IL1RAPL2: variants seen among roughly 807,000 people sequenced by gnomAD.
IL1RAPL2 encodes the protein X-linked interleukin-1 receptor accessory protein-like 2.
In IL1RAPL2, 3 loss-of-function variants were observed where a neutral mutation model predicts 44.1. The ratio of observed to expected loss-of-function variants is 0.07; its 90% CI spans 0.03 to 0.18. IL1RAPL2 has a LOEUF of 0.18. IL1RAPL2 is among the 10% of genes least tolerant of loss of function. IL1RAPL2 has a pLI of 1.00. For synonymous variants in IL1RAPL2, 181 were observed against 178.8 expected (o/e 1.01, Z -0.10); for missense variants, 391 against 496.4 (o/e 0.79, Z 2.02).
At chrX:105,766,755 T>TGTAA (rs1452645499) in intron 10 of IL1RAPL2, among the ~76,000 whole-genome samples, 9 of 108,407 alleles carry the variant, frequency 8.3e-5, no homozygotes, top group African/African-American at 3.0e-4. Flanking sequence ...AACAAAACAC[T>TGTAA]GTAAGTAATG....
chrX:104,948,730 G>T (rs1486504259), intron 2 of IL1RAPL2, among the ~76,000 whole-genome samples: 1 of 110,413 alleles, frequency 9.1e-6, no homozygotes, highest in Non-Finnish European at 1.9e-5. Flanking sequence ...TTATTGATTT[G>T]TGTATGTTGA....
intron 2 of IL1RAPL2, among the ~76,000 whole-genome samples, chrX:104,954,503 CT>C (rs1440243994): frequency 8.9e-6 from 1 of 112,115 alleles, no homozygotes; most frequent in Non-Finnish European, 1.9e-5. Flanking sequence ...AGATTTCCCT[CT>C]TTTCTTTTAT....
At chrX:104,723,627 C>A (rs753997050) in intron 2 of IL1RAPL2, among the ~76,000 whole-genome samples, 45 of 109,990 alleles carry the variant, frequency 4.1e-4, no homozygotes, top group Non-Finnish European at 7.4e-4. Context: ...TGAACAACAA[C>A]AAAAAAATCC....
intron 5 of IL1RAPL2, among the ~76,000 whole-genome samples, chrX:105,275,179 C>T (rs1456173577): frequency 9.1e-6 from 1 of 109,529 alleles, no homozygotes; most frequent in African/African-American, 3.3e-5. Flanking sequence ...CCACTGCACT[C>T]TAGCCTGGGT....
intron 6 of IL1RAPL2, among the ~76,000 whole-genome samples, chrX:105,561,406 A>G (rs2036936323): frequency 8.9e-6 from 1 of 111,756 alleles, no homozygotes; most frequent in African/African-American, 3.3e-5. Context: ...CAGAAATCTT[A>G]TTTGATCTAT....
intron 6 of IL1RAPL2, 125 bp downstream of exon 6, chrX:105,484,512 C>A: frequency 3.9e-6 from 2 of 506,944 alleles, no homozygotes; most frequent in Non-Finnish European, 7.2e-6. Flanking sequence ...GTGTTCTGCT[C>A]ATTTATAACC....
chrX:105,112,502 TTATGC>T (rs2032811490), intron 2 of IL1RAPL2, among the ~76,000 whole-genome samples: 2 of 112,564 alleles, frequency 1.8e-5, no homozygotes, highest in Non-Finnish European at 3.7e-5. Flanking sequence ...GGTACTGGAC[TTATGC>T]TATGCACGAA....
chrX:105,227,335 T>C (rs1250989164), intron 3 of IL1RAPL2, among the ~76,000 whole-genome samples: 2 of 112,174 alleles, frequency 1.8e-5, no homozygotes, highest in Non-Finnish European at 3.8e-5. Context: ...ACCTATTATA[T>C]TGACATATTT....
chrX:104,947,158 G>A (rs1238210278), intron 2 of IL1RAPL2, among the ~76,000 whole-genome samples: 1 of 112,121 alleles, frequency 8.9e-6, no homozygotes, highest in African/African-American at 3.2e-5. Flanking sequence ...GTATTTCTCT[G>A]ATGGCCAGTG....
At chrX:105,108,945 T>C (rs143214500) in intron 2 of IL1RAPL2, among the ~76,000 whole-genome samples, 5,472 of 111,801 alleles carry the variant, frequency 0.049, 147 homozygotes, top group Non-Finnish European at 0.076. Context: ...TCCATATCTC[T>C]GACCTCATCT....
chrX:104,887,116 G>C (rs954757193), intron 2 of IL1RAPL2, among the ~76,000 whole-genome samples: 2 of 112,332 alleles, frequency 1.8e-5, no homozygotes, highest in African/African-American at 6.5e-5. Flanking sequence ...TAAAACAGTT[G>C]TGGGGGTTCC....
At chrX:104,885,255 G>A (rs1923199247) in intron 2 of IL1RAPL2, among the ~76,000 whole-genome samples, 1 of 111,781 alleles carries the variant, frequency 8.9e-6, no homozygotes, top group Non-Finnish European at 1.9e-5. Context: ...ATTCCCTACT[G>A]GTCAGCAAGC....
At chrX:104,568,132 G>T (rs1336926699) in intron 1 of IL1RAPL2, among the ~76,000 whole-genome samples, 1 of 110,934 alleles carries the variant, frequency 9.0e-6, no homozygotes, top group Non-Finnish European at 1.9e-5. Flanking sequence ...TCTTGTCCCC[G>T]AATGAGGAAG....
intron 6 of IL1RAPL2, among the ~76,000 whole-genome samples, chrX:105,529,654 T>G (rs1402224352): frequency 8.9e-6 from 1 of 111,972 alleles, no homozygotes; most frequent in Non-Finnish European, 1.9e-5. Context: ...CACATTTTTG[T>G]GCAACCATCA....
chrX:104,710,935 CTT>C (rs1466550697), intron 2 of IL1RAPL2, among the ~76,000 whole-genome samples: 1 of 111,181 alleles, frequency 9.0e-6, no homozygotes, highest in Admixed American at 9.5e-5. Flanking sequence ...TTACTATACT[CTT>C]TATCATTGTT....
chrX:105,505,054 T>C (rs1336509485), intron 6 of IL1RAPL2, among the ~76,000 whole-genome samples: 1 of 111,575 alleles, frequency 9.0e-6, no homozygotes, highest in Non-Finnish European at 1.9e-5. Flanking sequence ...GTTTAGTTCT[T>C]GTTCTGTCTA....
chrX:105,755,133 A>T, intron 9 of IL1RAPL2, 44 bp from the exon 10 acceptor site: 14 of 902,730 alleles, frequency 1.6e-5, no homozygotes, highest in Non-Finnish European at 2.0e-5. Flanking sequence ...CTCAAAGAGA[A>T]CCTGTTAATA....
intron 6 of IL1RAPL2, among the ~76,000 whole-genome samples, chrX:105,554,324 C>T (rs1003747022): frequency 2.2e-4 from 25 of 111,826 alleles, no homozygotes; most frequent in African/African-American, 8.1e-4. Context: ...TTTCTTTTTG[C>T]TTTTTGCTTA....
chrX:105,364,404 G>GT (rs933368204), intron 5 of IL1RAPL2, among the ~76,000 whole-genome samples: 2 of 110,257 alleles, frequency 1.8e-5, no homozygotes, highest in African/African-American at 6.6e-5. Context: ...GCTCTTTGGG[G>GT]TTTTTTTCTG....
Sources: gnomAD v4.1 joint callset for allele counts (sites outside exome capture counted in the v4.1 genomes callset) on GRCh38, gnomAD v4.1.1 for gene constraint, MANE v1.5 for transcripts, NCBI Gene and HGNC (gene_info 2026-07-23, HGNC 2026-07-21) for gene names.